USH2A: variants seen among roughly 807,000 people sequenced by gnomAD.
USH2A encodes usherin.
USH2A carries 443 observed loss-of-function variants against 538.9 expected under a neutral mutation model. The observed-to-expected ratio is 0.82, with a 90% confidence interval of 0.76 to 0.89. The LOEUF (loss-of-function observed/expected upper bound fraction) is 0.89. Ranked by LOEUF, USH2A falls within the 40% of genes least tolerant of loss-of-function variation. The probability of loss-of-function intolerance (pLI) is 0.00; values close to 1 mark genes in which losing one functional copy is unlikely to be tolerated. For synonymous variants in USH2A, 2,413 were observed against 2,273.5 expected (o/e 1.06, Z -1.75); for missense variants, 6,633 against 6,324.8 (o/e 1.05, Z -1.65).
intron 3 of USH2A, among the ~76,000 whole-genome samples, chr1:216,390,014 A>AAAAG (rs1491309043): frequency 3.8e-5 from 1 of 26,472 alleles, no homozygotes; most frequent in African/African-American, 6.1e-5. Flanking sequence ...TGTCAGTTTT[A>AAAAG]AAAGACAGTA....
intron 38 of USH2A, among the ~76,000 whole-genome samples, chr1:215,919,100 C>T (rs777133859): frequency 1.7e-4 from 26 of 151,858 alleles, no homozygotes; most frequent in Non-Finnish European, 3.1e-4. Flanking sequence ...CATGAATCAC[C>T]CCCAATTCCC....
intron 21 of USH2A, among the ~76,000 whole-genome samples, chr1:216,134,340 C>G (rs1475568617): frequency 6.6e-6 from 1 of 151,930 alleles, no homozygotes; most frequent in African/African-American, 2.4e-5. Flanking sequence ...TCCCAATACA[C>G]ATGGTGAAGA....
intron 3 of USH2A, among the ~76,000 whole-genome samples, chr1:216,408,365 T>C (rs2039430610): frequency 6.6e-6 from 1 of 152,136 alleles, no homozygotes; most frequent in Admixed American, 6.6e-5. Context: ...GTAGTCCCCC[T>C]TTATCCATTG....
chr1:216,265,687 A>G (rs1261287215), intron 11 of USH2A, among the ~76,000 whole-genome samples: 1 of 151,778 alleles, frequency 6.6e-6, no homozygotes, highest in African/African-American at 2.4e-5. Flanking sequence ...ATGAAATACT[A>G]TTCAGCCATG....
intron 4 of USH2A, among the ~76,000 whole-genome samples, chr1:216,357,252 G>T (rs1270864456): frequency 3.9e-5 from 6 of 152,022 alleles, no homozygotes; most frequent in Non-Finnish European, 7.4e-5. Flanking sequence ...GCAATGTTCT[G>T]AAACTAAGTA....
At chr1:216,306,648 G>A (rs377034170) in intron 9 of USH2A, among the ~76,000 whole-genome samples, 36 of 152,342 alleles carry the variant, frequency 2.4e-4, no homozygotes, top group African/African-American at 6.7e-4. Flanking sequence ...ATGTCAGAGG[G>A]AAGATCTGGG....
At chr1:215,965,165 G>C (rs946504974) in intron 37 of USH2A, 152 bp downstream of exon 37, 2 of 815,210 alleles carry the variant, frequency 2.5e-6, no homozygotes, top group African/African-American at 3.5e-5. Flanking sequence ...GAGAACCGTC[G>C]GGCAGTAGCT....
intron 3 of USH2A, among the ~76,000 whole-genome samples, chr1:216,389,707 C>T (rs1014231958): frequency 6.6e-5 from 10 of 152,004 alleles, no homozygotes; most frequent in Non-Finnish European, 1.3e-4. Flanking sequence ...AATAATTAGC[C>T]CATTTTCTTC....
At chr1:215,682,122 C>A (rs1231411882) in intron 61 of USH2A, among the ~76,000 whole-genome samples, 1 of 152,104 alleles carries the variant, frequency 6.6e-6, no homozygotes, top group South Asian at 2.1e-4. Context: ...TAAATGATTC[C>A]TTTTCTGTGG....
intron 44 of USH2A, among the ~76,000 whole-genome samples, chr1:215,864,881 A>G (rs866748064): frequency 5.3e-5 from 8 of 152,288 alleles, no homozygotes; most frequent in Middle Eastern, 3.4e-3. Context: ...TTTACCAGAA[A>G]CATTTTGCTA....
Position 216,411,164 on chromosome 1 carries a change from T to C in USH2A, c.651+7350A>G, listed in dbSNP as rs191580114. On this transcript the variant is annotated intron_variant, in intron 3 of 71. Transcript: ENST00000307340. ...ACTGTTCTGTCCTCATTTCACACCATGTCCCACTTTGCCAGCGACACTCTA... is the reference window on the plus strand; with the variant it reads ...ACTGTTCTGTCCTCATTTCACACCACGTCCCACTTTGCCAGCGACACTCTA... Among the ~76,000 whole-genome samples, 583 of 152,266 alleles carry C rather than the reference T, an allele frequency of 3.8e-3. 3 individuals carry two copies. The highest frequency in any genetic ancestry group is 6.2e-3 in the Non-Finnish European group (423 of 68,008).
chr1:216,226,447 C>G (rs2035563030), intron 14 of USH2A, among the ~76,000 whole-genome samples: 1 of 152,184 alleles, frequency 6.6e-6, no homozygotes. Flanking sequence ...GGCAGCAAGT[C>G]TATAATCAGA....
rs1666699514 is a variant in USH2A, at chr1:215,943,984, G to T, written c.7121-9189C>A. Among the ~76,000 whole-genome samples, 8 of 152,298 alleles carry T rather than the reference G, an allele frequency of 5.3e-5. No homozygotes were observed. In the South Asian group the frequency reaches 1.7e-3, roughly 32 times the overall value. ...GTTATTTATGGGTAGTGGGATTTTA[G>T]TGGATGTTGTTTTTCTGTATTACAT... On this transcript the variant is annotated intron_variant, in intron 37 of 71. Coordinates refer to ENST00000307340, the MANE Select transcript of USH2A (RefSeq NM_206933.4).
chr1:215,651,535 A>T lies in USH2A; in HGVS notation c.14134-734T>A, dbSNP rs572144668. ...AGCTTTCATGTGAAAGCCTAACTTC[A>T]GGAAATTTTTTTCTCATTGTGTTTC... On this transcript the variant is annotated intron_variant, in intron 64 of 71. Transcript: ENST00000307340. Among the ~76,000 whole-genome samples, 33 of 152,284 alleles carry T rather than the reference A, an allele frequency of 2.2e-4. No homozygotes were observed. In the South Asian group the frequency reaches 6.6e-3, roughly 31 times the overall value.
chr1:216,292,637 G>A (rs1239971327), intron 9 of USH2A, among the ~76,000 whole-genome samples: 1 of 151,990 alleles, frequency 6.6e-6, no homozygotes, highest in Admixed American at 6.6e-5. Flanking sequence ...GTACGTAGTA[G>A]GTGTATGTAT....
chr1:216,206,466 T>C (rs2035113973), intron 16 of USH2A, among the ~76,000 whole-genome samples: 1 of 152,132 alleles, frequency 6.6e-6, no homozygotes, highest in Non-Finnish European at 1.5e-5. Flanking sequence ...CAGTTCGCAA[T>C]AGGATTCCTG....
intron 30 of USH2A, among the ~76,000 whole-genome samples, chr1:216,052,698 G>A (rs552052566): frequency 2.6e-5 from 4 of 152,152 alleles, no homozygotes; most frequent in African/African-American, 9.7e-5. Flanking sequence ...GCAAGGGGCT[G>A]GTCAAATATG....
chr1:216,277,886 G>A (rs2036700888), intron 11 of USH2A, among the ~76,000 whole-genome samples: 1 of 152,020 alleles, frequency 6.6e-6, no homozygotes, highest in Non-Finnish European at 1.5e-5. Context: ...TCCCTGAATT[G>A]TCACAAAGAG....
chr1:215,935,600 T>A (rs1216106618), intron 37 of USH2A, among the ~76,000 whole-genome samples: 1 of 152,022 alleles, frequency 6.6e-6, no homozygotes, highest in African/African-American at 2.4e-5. Flanking sequence ...TACTTCTGCC[T>A]AGTAACAGTG....
Sources: allele counts gnomAD v4.1 joint callset (sites outside exome capture counted in the v4.1 genomes callset), GRCh38; gene constraint gnomAD v4.1.1; transcripts MANE v1.5; gene names NCBI Gene and HGNC (gene_info 2026-07-23, HGNC 2026-07-21).